FRMD4A: variants seen among roughly 807,000 people sequenced by gnomAD.
FRMD4A encodes the protein FERM domain-containing protein 4A.
FRMD4A carries 29 observed loss-of-function variants against 129.1 expected under a neutral mutation model. The observed-to-expected ratio is 0.22, with a 90% CI of 0.17 to 0.31. The LOEUF is 0.31. Ranked by LOEUF, FRMD4A falls within the 10% of genes least tolerant of loss-of-function variation. The pLI is 1.00. For missense variants in FRMD4A, 1,272 were observed against 1,375.8 expected, an observed-to-expected ratio of 0.92 and a Z score of 1.19; for synonymous variants, 634 against 571.6, an observed-to-expected ratio of 1.11 and a Z score of -1.56.
intron 2 of FRMD4A, among the ~76,000 whole-genome samples, chr10:14,021,305 G>C (rs1189154798): frequency 6.6e-6 from 1 of 151,984 alleles, no homozygotes; most frequent in Non-Finnish European, 1.5e-5. Context: ...CACTTTCGGG[G>C]CTGAAGCAAA....
chr10:14,317,916 G>C (rs1489975462), intron 2 of FRMD4A, among the ~76,000 whole-genome samples: 1 of 152,072 alleles, frequency 6.6e-6, no homozygotes. Flanking sequence ...TTTCTTGCTA[G>C]AAAATTCAAA....
chr10:14,000,646 C>CAAAAAAAAAAAA lies in FRMD4A; in HGVS notation c.46-141746_46-141735dup, dbSNP rs11377448. Among the ~76,000 whole-genome samples, 9 of 43,470 alleles carry CAAAAAAAAAAAA rather than the reference C, an allele frequency of 2.1e-4. 1 individual carries two copies. Among genetic ancestry groups the CAAAAAAAAAAAA allele is most frequent in the East Asian group, 6.5e-4 (1 of 1,534 alleles). The allele number at this position is 43,470 out of a possible 152,430, so 28.5% of individuals were successfully genotyped here. On this transcript the variant is annotated intron_variant, in intron 2 of 24. Coordinates refer to ENST00000357447, the MANE Select transcript of FRMD4A (RefSeq NM_018027.5). The stretch of plus-strand genomic sequence containing the variant: ...TGGGTGACAGAGCAAGACGCCACCT[C>CAAAAAAAAAAAA]AAAAAAAAAAAAAAAAAAAAAAGAG...
At chr10:13,895,907 C>T (rs961483180) in intron 2 of FRMD4A, among the ~76,000 whole-genome samples, 3 of 152,118 alleles carry the variant, frequency 2.0e-5, no homozygotes, top group African/African-American at 4.8e-5. Flanking sequence ...AGCCAACAAA[C>T]ATATGAAAAA....
intron 2 of FRMD4A, among the ~76,000 whole-genome samples, chr10:14,158,246 T>A (rs988518459): frequency 1.3e-5 from 2 of 152,162 alleles, no homozygotes; most frequent in African/African-American, 4.8e-5. Flanking sequence ...AGTAAGAAAT[T>A]GACTGACTAG....
chr10:13,650,221 T>TA (rs2081442036), intron 24 of FRMD4A, among the ~76,000 whole-genome samples: 1 of 152,172 alleles, frequency 6.6e-6, no homozygotes, highest in Non-Finnish European at 1.5e-5. Flanking sequence ...ATTATTTTTT[T>TA]AAACGTATAA....
intron 2 of FRMD4A, among the ~76,000 whole-genome samples, chr10:13,988,830 A>G (rs1264782394): frequency 6.6e-6 from 1 of 152,158 alleles, no homozygotes; most frequent in African/African-American, 2.4e-5. Flanking sequence ...GATGAAAAAG[A>G]AAAATAACCT....
intron 3 of FRMD4A, among the ~76,000 whole-genome samples, chr10:13,856,612 C>T (rs1437434293): frequency 6.6e-6 from 1 of 152,078 alleles, no homozygotes; most frequent in Non-Finnish European, 1.5e-5. Context: ...AGAGACCAGC[C>T]AGGTCCAGGG....
intron 13 of FRMD4A, 105 bp from the exon 14 acceptor site, chr10:13,701,583 C>T (rs2086834286): frequency 4.9e-6 from 5 of 1,015,716 alleles, no homozygotes; most frequent in Middle Eastern, 2.1e-4. Flanking sequence ...GAAGCCCTGG[C>T]GTAAAGATGA....
intron 2 of FRMD4A, among the ~76,000 whole-genome samples, chr10:14,042,808 C>CA (rs944881830): frequency 5.4e-5 from 8 of 148,616 alleles, no homozygotes; most frequent in African/African-American, 1.7e-4. Flanking sequence ...ACTAAAAATA[C>CA]AAAAAAAATT....
At chr10:14,260,058 T>G (rs1402052148) in intron 2 of FRMD4A, among the ~76,000 whole-genome samples, 1 of 152,138 alleles carries the variant, frequency 6.6e-6, no homozygotes, top group Non-Finnish European at 1.5e-5. Context: ...TCCTTTTTTA[T>G]TTTTTGGCAG....
intron 3 of FRMD4A, among the ~76,000 whole-genome samples, chr10:13,855,764 G>C (rs989536857): frequency 6.6e-6 from 1 of 152,118 alleles, no homozygotes; most frequent in Admixed American, 6.5e-5. Flanking sequence ...TAAAAACCTA[G>C]AGGTGGGTCC....
At chr10:14,295,668 G>C (rs966588881) in intron 2 of FRMD4A, among the ~76,000 whole-genome samples, 10 of 152,196 alleles carry the variant, frequency 6.6e-5, no homozygotes, top group Admixed American at 2.6e-4. Context: ...ACAAAATCCA[G>C]CTGCAGCACA....
At chr10:14,274,422 T>G (rs1845268621) in intron 2 of FRMD4A, among the ~76,000 whole-genome samples, 1 of 152,148 alleles carries the variant, frequency 6.6e-6, no homozygotes, top group South Asian at 2.1e-4. Context: ...GAGCCCACAC[T>G]CTTATCCACT....
At chr10:13,695,721 T>C (rs1256040986) in intron 14 of FRMD4A, among the ~76,000 whole-genome samples, 1 of 152,234 alleles carries the variant, frequency 6.6e-6, no homozygotes, top group Non-Finnish European at 1.5e-5. Flanking sequence ...CTGCCTGGCC[T>C]GTGGAACCCA....
intron 2 of FRMD4A, among the ~76,000 whole-genome samples, chr10:14,077,127 AC>A (rs1311258250): frequency 1.3e-5 from 2 of 152,156 alleles, no homozygotes; most frequent in Non-Finnish European, 1.5e-5. Flanking sequence ...GAGTGAGGAG[AC>A]ACCAGAAATC....
intron 2 of FRMD4A, among the ~76,000 whole-genome samples, chr10:13,861,514 C>T (rs1467120153): frequency 2.6e-5 from 4 of 152,114 alleles, no homozygotes; most frequent in African/African-American, 9.7e-5. Context: ...CTTAGCAGCC[C>T]CCAGCTCTGA....
rs573366213 is a variant in FRMD4A at position 13,782,808 on chromosome 10, A to G, written c.384+114T>C. 41 of 697,366 alleles carry G rather than the reference A, an allele frequency of 5.9e-5. No individual in the cohort carries two copies. The East Asian group carries it at 1.0e-3, about 17-fold the overall frequency. The allele number at this position is 697,366 out of a possible 1,614,324, so 43.2% of individuals were successfully genotyped here. On this transcript the variant is annotated intron_variant, in intron 6 of 24. Coordinates refer to ENST00000357447, the MANE Select transcript of FRMD4A (RefSeq NM_018027.5). ...TCCATTTATTTATAGTAATTAATTTATAAATGACTTCTCCTAATCAATAAA... is the reference window on the plus strand; with the variant it reads ...TCCATTTATTTATAGTAATTAATTTGTAAATGACTTCTCCTAATCAATAAA...
rs1017127640 is a variant in FRMD4A, at chr10:14,015,388, CCCTCCCCTCG to C, written c.46-156486_46-156477del. Among the ~76,000 whole-genome samples the C allele has an allele frequency of 3.5e-3, 517 of 149,836 alleles. 3 individuals carry two copies. Among genetic ancestry groups the C allele is most frequent in the African/African-American group, 0.012 (492 of 40,632 alleles). On this transcript the variant is annotated intron_variant, in intron 2 of 24. Transcript: ENST00000357447. ...CCTTCCTTCCTTCCTTTTTCTCTTC[CCCTCCCCTCG>C]CCTCCCCTCCTTCCCCTTCCCTTCC...
intron 2 of FRMD4A, among the ~76,000 whole-genome samples, chr10:13,955,510 G>A (rs1350065580): frequency 6.6e-6 from 1 of 152,202 alleles, no homozygotes; most frequent in Non-Finnish European, 1.5e-5. Flanking sequence ...ATACAGCAGG[G>A]TGGAGGAGAT....
Sources: allele counts gnomAD v4.1 joint callset (sites outside exome capture counted in the v4.1 genomes callset), GRCh38; gene constraint gnomAD v4.1.1; transcripts MANE v1.5; gene names NCBI Gene and HGNC (gene_info 2026-07-23, HGNC 2026-07-21).